The following PTK2 variants were observed in gnomAD, a reference collection of about 807,000 sequenced individuals.
The protein encoded by PTK2 is protein tyrosine kinase 2, also known as focal adhesion kinase 1.
In PTK2, 45 loss-of-function variants were observed where a neutral mutation model predicts 150.1. The observed-to-expected ratio is 0.30, with a 90% CI of 0.24 to 0.38. PTK2 has a LOEUF of 0.38. PTK2 is among the 10% of genes least tolerant of loss of function. The probability of loss-of-function intolerance (pLI) is 1.00; values close to 1 mark genes in which losing one functional copy is unlikely to be tolerated. For synonymous variants in PTK2, 432 were observed against 449.2 expected (o/e 0.96, Z 0.48); for missense variants, 919 against 1,307.3 (o/e 0.70, Z 4.58).
chr8:140,697,301 A>G (rs907959960), intron 26 of PTK2, among the ~76,000 whole-genome samples: 1 of 151,864 alleles, frequency 6.6e-6, no homozygotes, highest in African/African-American at 2.4e-5. Flanking sequence ...TTATTAAGTT[A>G]AAAACAAAAA....
chr8:140,897,374 A>T (rs1206471289), intron 2 of PTK2, among the ~76,000 whole-genome samples: 6 of 152,220 alleles, frequency 3.9e-5, no homozygotes. Context: ...CCAAAAGAAA[A>T]AAAAAAGGAA....
chr8:140,675,394 T>C (rs767433693), intron 28 of PTK2, 66 bp downstream of exon 31: 27 of 1,534,734 alleles, frequency 1.8e-5, no homozygotes, highest in Non-Finnish European at 2.4e-5. Flanking sequence ...CGACACTATA[T>C]ACATTCAAAA....
exon 24 of PTK2, chr8:140,706,165 C>A: frequency 1.2e-6 from 2 of 1,613,648 alleles, no homozygotes; most frequent in Non-Finnish European, 1.7e-6. Flanking sequence ...GGGATAAAAT[C>A]CTTCGCTGGA....
At chr8:140,987,444 G>C (rs1463529341) in intron 1 of PTK2, among the ~76,000 whole-genome samples, 1 of 152,178 alleles carries the variant, frequency 6.6e-6, no homozygotes, top group Admixed American at 6.5e-5. Context: ...GCCTCCCAAA[G>C]TGCTGGGATT....
At chr8:140,927,934 CAAAAAGAAAAA>C (rs2100170093) in intron 1 of PTK2, among the ~76,000 whole-genome samples, 1 of 28,290 alleles carries the variant, frequency 3.5e-5, no homozygotes, top group Non-Finnish European at 6.6e-5. Context: ...AACTCCATCT[CAAAAAGAAAAA>C]AAAAAAAAAA....
intron 2 of PTK2, among the ~76,000 whole-genome samples, chr8:140,899,784 G>T (rs941999370): frequency 6.6e-6 from 1 of 152,122 alleles, no homozygotes; most frequent in Non-Finnish European, 1.5e-5. Flanking sequence ...AGAGATGCAA[G>T]GAGAGTTCAA....
intron 30 of PTK2, 125 bp downstream of exon 34, chr8:140,668,144 G>A: frequency 9.2e-7 from 1 of 1,089,516 alleles, no homozygotes; most frequent in Non-Finnish European, 1.3e-6. Flanking sequence ...CTTTCGTGAA[G>A]AGCTTCTAAA....
exon 3 of PTK2, chr8:140,890,636 C>T (rs1247642035): frequency 3.1e-6 from 5 of 1,614,112 alleles, no homozygotes; most frequent in South Asian, 2.2e-5. Context: ...TTAATACTCG[C>T]TCCATTGCAC....
At chr8:140,981,333 G>A (rs1323936612) in intron 1 of PTK2, among the ~76,000 whole-genome samples, 2 of 152,108 alleles carry the variant, frequency 1.3e-5, no homozygotes, top group Admixed American at 6.5e-5. Flanking sequence ...GTCTTCAGGA[G>A]AGGTGACTTA....
chr8:140,731,874 G>C (rs2100049622), intron 22 of PTK2, among the ~76,000 whole-genome samples: 1 of 152,178 alleles, frequency 6.6e-6, no homozygotes, highest in African/African-American at 2.4e-5. Context: ...CCGCACTCTA[G>C]CCTGGGCAAC....
At chr8:140,935,363 G>T (rs1444860937) in intron 1 of PTK2, among the ~76,000 whole-genome samples, 2 of 152,010 alleles carry the variant, frequency 1.3e-5, no homozygotes, top group Admixed American at 6.5e-5. Flanking sequence ...AGGTCCAGAG[G>T]TAAGCACCTA....
intron 1 of PTK2, among the ~76,000 whole-genome samples, chr8:140,967,013 A>T (rs1007592622): frequency 1.3e-5 from 2 of 152,214 alleles, no homozygotes; most frequent in Non-Finnish European, 2.9e-5. Context: ...AATCCTGATC[A>T]TAACAATAGC....
intron 27 of PTK2, among the ~76,000 whole-genome samples, chr8:140,682,648 A>C (rs2100017724): frequency 6.6e-6 from 1 of 151,916 alleles, no homozygotes; most frequent in Admixed American, 6.6e-5. Context: ...AAAAAAAAAA[A>C]ACCGAAATCA....
intron 11 of PTK2, among the ~76,000 whole-genome samples, chr8:140,801,942 T>C (rs1404614460): frequency 2.0e-5 from 3 of 152,016 alleles, no homozygotes; most frequent in Non-Finnish European, 1.5e-5. Flanking sequence ...GAAGCTGGTG[T>C]AAAAAAAATC....
chr8:140,885,823 G>C (rs1285692957), intron 3 of PTK2, among the ~76,000 whole-genome samples: 1 of 152,126 alleles, frequency 6.6e-6, no homozygotes, highest in African/African-American at 2.4e-5. Flanking sequence ...GACAGGATGG[G>C]GGAGATGGGT....
intron 16 of PTK2, among the ~76,000 whole-genome samples, chr8:140,759,864 C>CACAA (rs1412530902): frequency 3.3e-5 from 5 of 150,472 alleles, no homozygotes; most frequent in Non-Finnish European, 5.9e-5. Flanking sequence ...CACACACACA[C>CACAA]ACAAACAATA....
At chr8:140,803,840 C>T (rs1241679329) in intron 10 of PTK2, among the ~76,000 whole-genome samples, 190 bp from the exon 11 acceptor site, 1 of 152,152 alleles carries the variant, frequency 6.6e-6, no homozygotes, top group African/African-American at 2.4e-5. Flanking sequence ...ACTTCAAGGT[C>T]AGGTACAGGT....
At chr8:140,931,082 A>AG (rs1555408527) in intron 1 of PTK2, among the ~76,000 whole-genome samples, 3 of 151,432 alleles carry the variant, frequency 2.0e-5, no homozygotes, top group African/African-American at 7.3e-5. Context: ...AAAAAAAAAA[A>AG]AAAAAGAAAA....
chr8:140,995,805 T>A (rs1282612757), intron 1 of PTK2, among the ~76,000 whole-genome samples: 1 of 151,550 alleles, frequency 6.6e-6, no homozygotes, highest in East Asian at 1.9e-4. Context: ...TAAAATAAAA[T>A]AAAAAAGATA....
Sources: allele counts gnomAD v4.1 joint callset (sites outside exome capture counted in the v4.1 genomes callset), GRCh38; gene constraint gnomAD v4.1.1; transcripts MANE v1.5; gene names NCBI Gene and HGNC (gene_info 2026-07-23, HGNC 2026-07-21).